ZCWPW2: variants seen among roughly 807,000 people sequenced by gnomAD.
The protein encoded by ZCWPW2 is zinc finger CW-type PWWP domain protein 2.
A neutral mutation model predicts 46.6 loss-of-function variants in ZCWPW2; 45 were observed. That is an observed-to-expected ratio of 0.96 (90% CI 0.76 to 1.24). The LOEUF (loss-of-function observed/expected upper bound fraction) is 1.24. ZCWPW2 is among the 50% of genes most tolerant of loss of function. The probability of loss-of-function intolerance (pLI) is 0.00; values close to 1 mark genes in which losing one functional copy is unlikely to be tolerated. For synonymous variants in ZCWPW2, 152 were observed against 137.1 expected, an observed-to-expected ratio of 1.11 and a Z score of -0.76; for missense variants, 429 against 403.9, an observed-to-expected ratio of 1.06 and a Z score of -0.53.
chr3:28,385,240 G>T (rs893146637), intron 1 of ZCWPW2, among the ~76,000 whole-genome samples: 1 of 152,124 alleles, frequency 6.6e-6, no homozygotes, highest in East Asian at 1.9e-4. Flanking sequence ...AGGGACAGGG[G>T]TCAATAGCTC....
Position 28,380,979 on chromosome 3 carries a change from ATATATATATATATATATTTGG to A in ZCWPW2, c.-133-9501_-133-9481del, listed in dbSNP as rs1166618513. ...ATATATATATATATATATTTGGTAT[ATATATATATATATATATTTGG>A]TATATATATATATATATATATTTGG... On this transcript the variant is annotated intron_variant, in intron 1 of 9. Coordinates refer to ENST00000383768, the MANE Select transcript of ZCWPW2 (RefSeq NM_001040432.4). 4.4e-4 allele frequency among the ~76,000 whole-genome samples: 20 copies of A among 45,504 alleles called. 2 individuals carry two copies. Among genetic ancestry groups the A allele is most frequent in the African/African-American group, 1.9e-3 (14 of 7,526 alleles). 29.9% of individuals were successfully genotyped at this position (45,504 alleles called of 152,430 possible).
intron 2 of ZCWPW2, among the ~76,000 whole-genome samples, chr3:28,396,631 G>A (rs768332158): frequency 2.6e-5 from 4 of 152,154 alleles, no homozygotes; most frequent in Non-Finnish European, 5.9e-5. Flanking sequence ...AAACCCAGGA[G>A]AGTTGCATAA....
At position 28,513,477 on chromosome 3, in the gene ZCWPW2, G is replaced by A. The variant is rs144756311; in HGVS notation, c.658-587G>A. 7.9e-5 allele frequency among the ~76,000 whole-genome samples: 12 copies of A among 152,202 alleles called. No homozygotes were observed. The East Asian group carries it at 1.5e-3, about 20-fold the overall frequency. ...CCTTATTGCTTTTGTGTCCCGGTGAGTGAAGTTTTTCCTATTTTCTTGTTA... is the reference window on the plus strand; with the variant it reads ...CCTTATTGCTTTTGTGTCCCGGTGAATGAAGTTTTTCCTATTTTCTTGTTA... On this transcript the variant is annotated intron_variant, in intron 6 of 9. Transcript: ENST00000383768.
At chr3:28,458,219 A>C (rs188638607) in intron 4 of ZCWPW2, among the ~76,000 whole-genome samples, 1 of 152,298 alleles carries the variant, frequency 6.6e-6, no homozygotes, top group South Asian at 2.1e-4. Context: ...AACTTATGCA[A>C]GTTCTAAACT....
intron 3 of ZCWPW2, among the ~76,000 whole-genome samples, chr3:28,423,397 C>A (rs758727048): frequency 7.3e-6 from 1 of 136,086 alleles, no homozygotes; most frequent in Non-Finnish European, 1.6e-5. Flanking sequence ...GACAGAGTCT[C>A]ACTCTGTCGC....
At chr3:28,443,954 A>T (rs990052537) in intron 4 of ZCWPW2, among the ~76,000 whole-genome samples, 1 of 152,058 alleles carries the variant, frequency 6.6e-6, no homozygotes, top group Non-Finnish European at 1.5e-5. Flanking sequence ...GAACCAAGGG[A>T]GATTAGGCAC....
At chr3:28,491,004 T>A (rs1348641801) in intron 5 of ZCWPW2, among the ~76,000 whole-genome samples, 5 of 152,136 alleles carry the variant, frequency 3.3e-5, no homozygotes, top group African/African-American at 1.2e-4. Context: ...TTACTGCATA[T>A]AAAATGTGGT....
At chr3:28,508,710 T>C (rs1262249406) in intron 6 of ZCWPW2, among the ~76,000 whole-genome samples, 2 of 152,244 alleles carry the variant, frequency 1.3e-5, no homozygotes, top group East Asian at 3.9e-4. Flanking sequence ...GTACTTTTAG[T>C]AGAGACGGGG....
At chr3:28,442,671 G>C (rs1333356974) in intron 4 of ZCWPW2, among the ~76,000 whole-genome samples, 1 of 152,218 alleles carries the variant, frequency 6.6e-6, no homozygotes, top group East Asian at 1.9e-4. Context: ...CAGGTATCAG[G>C]AGATGTGTTA....
At position 28,467,276 on chromosome 3, in the gene ZCWPW2, C is replaced by T. The variant is rs892493084; in HGVS notation, c.493-11538C>T. ...GAACAAAAAAGAAAACACAAAAGTA[C>T]TAAAATACAAACTACAAACAGAGGA... On this transcript the variant is annotated intron_variant, in intron 4 of 9. Coordinates refer to ENST00000383768, the MANE Select transcript of ZCWPW2 (RefSeq NM_001040432.4). Among the ~76,000 whole-genome samples the T allele has an allele frequency of 1.1e-4, 17 of 151,688 alleles. 2 individuals are homozygous for T. The highest frequency in any genetic ancestry group is 4.1e-4 in the African/African-American group (17 of 41,220).
At chr3:28,469,182 A>G (rs1483308152) in intron 4 of ZCWPW2, among the ~76,000 whole-genome samples, 2 of 152,152 alleles carry the variant, frequency 1.3e-5, no homozygotes, top group African/African-American at 4.8e-5. Flanking sequence ...TATAATATTT[A>G]CAAGCCTCAT....
intron 6 of ZCWPW2, among the ~76,000 whole-genome samples, chr3:28,508,998 CTT>C (rs1365899324): frequency 6.6e-6 from 1 of 152,090 alleles, no homozygotes; most frequent in Non-Finnish European, 1.5e-5. Context: ...TGAAAGGAAA[CTT>C]TATATCCATT....
chr3:28,491,480 G>A (rs181154677), intron 5 of ZCWPW2, among the ~76,000 whole-genome samples: 1 of 152,170 alleles, frequency 6.6e-6, no homozygotes, highest in Non-Finnish European at 1.5e-5. Context: ...AAATTTAGGA[G>A]TGGCATAATG....
chr3:28,413,529 C>A, intron 3 of ZCWPW2, 129 bp downstream of exon 3: 1 of 805,012 alleles, frequency 1.2e-6, no homozygotes, highest in East Asian at 2.8e-5. Context: ...TGCTCTTTTC[C>A]ATACTTCTTT....
intron 6 of ZCWPW2, among the ~76,000 whole-genome samples, chr3:28,492,549 G>A (rs1699846115): frequency 1.3e-5 from 2 of 151,962 alleles, no homozygotes; most frequent in Admixed American, 1.3e-4. Flanking sequence ...GCTCAACATG[G>A]TGTCTACCTT....
intron 3 of ZCWPW2, among the ~76,000 whole-genome samples, chr3:28,425,990 T>C (rs1173000430): frequency 2.6e-5 from 4 of 152,078 alleles, no homozygotes; most frequent in Admixed American, 2.0e-4. Context: ...ATGTCTGTAA[T>C]CCCAGCAACT....
At chr3:28,396,869 C>T (rs921726157) in intron 2 of ZCWPW2, among the ~76,000 whole-genome samples, 1 of 152,142 alleles carries the variant, frequency 6.6e-6, no homozygotes, top group Non-Finnish European at 1.5e-5. Context: ...TGGCTCACAC[C>T]TGTAATCCCA....
rs558616604 is a variant in ZCWPW2 at position 28,380,076 on chromosome 3, G to C, written c.-133-10422G>C. Among the ~76,000 whole-genome samples, 9 of 151,944 alleles carry C rather than the reference G, an allele frequency of 5.9e-5. No homozygotes were observed. In the East Asian group the frequency reaches 1.7e-3, roughly 29 times the overall value. On this transcript the variant is annotated intron_variant, in intron 1 of 9. Transcript: ENST00000383768. ...CGGCTCACTGCAAGCTCCTCCTCCC[G>C]GGTTCACACTGTTCTCCTGCCTCAG...
intron 6 of ZCWPW2, among the ~76,000 whole-genome samples, chr3:28,506,132 A>AAG (rs1553643104): frequency 6.8e-6 from 1 of 147,252 alleles, no homozygotes; most frequent in Admixed American, 6.9e-5. Flanking sequence ...ATATATTTTT[A>AAG]ATATATATAT....
Sources: allele counts gnomAD v4.1 joint callset (sites outside exome capture counted in the v4.1 genomes callset), GRCh38; gene constraint gnomAD v4.1.1; transcripts MANE v1.5; gene names NCBI Gene and HGNC (gene_info 2026-07-23, HGNC 2026-07-21).